The following ZNF609 variants were observed in gnomAD, a reference collection of about 807,000 sequenced individuals.
ZNF609 encodes the protein zinc finger protein 609.
In ZNF609, 11 loss-of-function variants were observed where a neutral mutation model predicts 109.5. The ratio of observed to expected loss-of-function variants is 0.10; its 90% CI spans 0.06 to 0.17. The LOEUF is 0.17. Among genes scored for constraint, ZNF609 ranks in the 10% least tolerant of loss-of-function variants. The probability of loss-of-function intolerance (pLI) is 1.00; values close to 1 mark genes in which losing one functional copy is unlikely to be tolerated. For synonymous variants in ZNF609, 646 were observed against 662.0 expected (o/e 0.98, Z 0.37); for missense variants, 1,559 against 1,772.4 (o/e 0.88, Z 2.16).
At chr15:64,488,536 A>C (rs1489443158) in intron 1 of ZNF609, among the ~76,000 whole-genome samples, 2 of 152,166 alleles carry the variant, frequency 1.3e-5, no homozygotes, top group Non-Finnish European at 2.9e-5. Context: ...TCATGGCTGG[A>C]GAGGTAGTGT....
chr15:64,642,288 A>G (rs982311732), intron 3 of ZNF609, among the ~76,000 whole-genome samples: 2 of 151,896 alleles, frequency 1.3e-5, no homozygotes, highest in East Asian at 1.9e-4. Context: ...GGCTCAAGCA[A>G]CCCTCTCACC....
intron 3 of ZNF609, among the ~76,000 whole-genome samples, chr15:64,645,851 G>A (rs944293945): frequency 6.6e-6 from 1 of 152,154 alleles, no homozygotes; most frequent in Non-Finnish European, 1.5e-5. Flanking sequence ...ATACCTACTA[G>A]GATGGTTGTT....
In ZNF609 at chr15:64,657,253, G is replaced by A. The variant is rs28679349; in HGVS notation, c.974-13093G>A. ...GCAGCCTGAGTGACAGAGCAAGACT[G>A]TGTCTCAAAAAAAAAAAAAAATTAT... On this transcript the variant is annotated intron_variant, in intron 3 of 9. Transcript: ENST00000326648. 8.1e-4 allele frequency among the ~76,000 whole-genome samples: 118 copies of A among 146,334 alleles called. 1 individual carries two copies. The highest frequency in any genetic ancestry group is 2.8e-3 in the African/African-American group (108 of 38,510).
intron 2 of ZNF609, among the ~76,000 whole-genome samples, chr15:64,602,716 C>CTTTTTTTTTTTTTTTTTTTTTTTTTT (rs10600561): frequency 1.8e-5 from 1 of 55,572 alleles, no homozygotes; most frequent in East Asian, 6.7e-4. Context: ...TTTTTTCTTT[C>CTTTTTTTTTTTTTTTTTTTTTTTTTT]TTTTTTTTTT....
intron 2 of ZNF609, among the ~76,000 whole-genome samples, chr15:64,513,327 A>G (rs1419233777): frequency 2.0e-5 from 3 of 152,254 alleles, no homozygotes; most frequent in Non-Finnish European, 4.4e-5. Context: ...TGTTTTAGAT[A>G]AAATATGCCA....
intron 4 of ZNF609, among the ~76,000 whole-genome samples, chr15:64,672,777 A>G (rs371642404): frequency 6.7e-6 from 1 of 149,196 alleles, no homozygotes; most frequent in South Asian, 2.1e-4. Flanking sequence ...CATCCTGGCC[A>G]ACACGGTGAA....
At chr15:64,470,385 G>A (rs745906271) in intron 1 of ZNF609, 1 of 151,936 alleles carries the variant, frequency 6.6e-6, no homozygotes, top group Non-Finnish European at 1.5e-5. Context: ...GCACGTTGAT[G>A]ACATTTGCCG....
Position 64,680,739 on chromosome 15 carries a change from G to A in ZNF609, c.4039G>A (p.Gly1347Ser). The stretch of plus-strand genomic sequence containing the variant: ...TAGCAGCGTCGGGGGAGCAAGTGGG[G>A]GTGAACGGAGTGTTGACCGGCCCCG... ...SCSSVGGASG[G>S]ERSVDRPRTS... The change falls in exon 8 of 10, where the codon GGT becomes AGT. Residue 1347 changes from glycine (G) to serine (S), a missense_variant. By Grantham distance (56) the Gly-to-Ser change is moderately conservative. This residue lies in a region of ZNF609 where 1,204 missense variants were observed against 1,314.1 expected (regional missense o/e 0.92). Coordinates refer to ENST00000326648, the MANE Select transcript of ZNF609 (RefSeq NM_015042.2). The A allele has an allele frequency of 2.5e-6, 4 of 1,613,504 alleles. No individual in the cohort carries two copies. The highest frequency in any genetic ancestry group is 3.4e-6 in the Non-Finnish European group (4 of 1,179,962).
intron 2 of ZNF609, among the ~76,000 whole-genome samples, chr15:64,596,071 A>G (rs1253194830): frequency 6.6e-6 from 1 of 152,308 alleles, no homozygotes; most frequent in East Asian, 1.9e-4. Context: ...AGCTTCTAGA[A>G]TCAGCAGACT....
intron 3 of ZNF609, among the ~76,000 whole-genome samples, chr15:64,654,596 G>A (rs1896463288): frequency 6.6e-6 from 1 of 152,068 alleles, no homozygotes; most frequent in African/African-American, 2.4e-5. Flanking sequence ...CTGATAGCAT[G>A]TTATTTCTGC....
At chr15:64,553,443 A>C (rs1894519763) in intron 2 of ZNF609, among the ~76,000 whole-genome samples, 1 of 151,812 alleles carries the variant, frequency 6.6e-6, no homozygotes, top group African/African-American at 2.4e-5. Context: ...TTCAGTGTGT[A>C]TATTTTACAC....
chr15:64,492,578 C>G (rs1415633159), intron 1 of ZNF609, among the ~76,000 whole-genome samples: 1 of 152,054 alleles, frequency 6.6e-6, no homozygotes, highest in Non-Finnish European at 1.5e-5. Flanking sequence ...GATGGAGTCT[C>G]GCTGTGTTGC....
chr15:64,621,250 A>T (rs16948125), intron 2 of ZNF609, among the ~76,000 whole-genome samples: 7,045 of 152,274 alleles, frequency 0.046, 540 homozygotes, highest in African/African-American at 0.16. Context: ...CGTTATGCTC[A>T]TTCAGGATTG....
chr15:64,542,592 A>C (rs1041457879), intron 2 of ZNF609, among the ~76,000 whole-genome samples: 41 of 152,316 alleles, frequency 2.7e-4, no homozygotes, highest in African/African-American at 9.6e-4. Flanking sequence ...TGTTCAACCT[A>C]AACTTGATTG....
intron 2 of ZNF609, among the ~76,000 whole-genome samples, chr15:64,537,145 C>T (rs1162783395): frequency 6.6e-6 from 1 of 151,260 alleles, no homozygotes; most frequent in Non-Finnish European, 1.5e-5. Flanking sequence ...ATCACTTGAA[C>T]CTGGGAGGTG....
intron 1 of ZNF609, among the ~76,000 whole-genome samples, chr15:64,468,278 C>G (rs1893043463): frequency 6.8e-6 from 1 of 147,436 alleles, no homozygotes; most frequent in Non-Finnish European, 1.5e-5. Flanking sequence ...CTTTTCTTTT[C>G]CTTCCTTCCT....
chr15:64,659,520 G>A (rs1896543699), intron 3 of ZNF609, among the ~76,000 whole-genome samples: 1 of 152,174 alleles, frequency 6.6e-6, no homozygotes, highest in African/African-American at 2.4e-5. Context: ...TACTGCAGAA[G>A]GCAGACATAT....
intron 6 of ZNF609, among the ~76,000 whole-genome samples, chr15:64,679,629 C>A (rs567509809): frequency 1.3e-5 from 2 of 152,318 alleles, no homozygotes; most frequent in East Asian, 3.9e-4. Context: ...TTATCCCTGT[C>A]ACTCACACCC....
At chr15:64,605,764 C>T (rs1239215405) in intron 2 of ZNF609, among the ~76,000 whole-genome samples, 18 of 141,696 alleles carry the variant, frequency 1.3e-4, no homozygotes, top group Admixed American at 8.7e-4. Flanking sequence ...GACGGAGTCT[C>T]GCTCTGTCGC....
Sources: gnomAD v4.1 joint callset for allele counts (sites outside exome capture counted in the v4.1 genomes callset) on GRCh38, gnomAD v4.1.1 for gene constraint, gnomAD v4.1.1 regional missense constraint, MANE v1.5 for transcripts, NCBI Gene and HGNC (gene_info 2026-07-23, HGNC 2026-07-21) for gene names.